Variants in INSR observed in about 807,000 individuals in gnomAD.
INSR encodes IR.
Under a neutral mutation model 142.6 loss-of-function variants are expected in INSR, and 67 were observed. The ratio of observed to expected loss-of-function variants is 0.47; its 90% CI spans 0.39 to 0.58. The LOEUF is 0.58. INSR is among the 20% of genes least tolerant of loss of function. The probability of loss-of-function intolerance (pLI) is 0.00; values close to 1 mark genes in which losing one functional copy is unlikely to be tolerated. For synonymous variants in INSR, 756 were observed against 743.1 expected, an observed-to-expected ratio of 1.02 and a Z score of -0.28; for missense variants, 1,248 against 1,833.2, an observed-to-expected ratio of 0.68 and a Z score of 5.83.
At position 7,125,650 on chromosome 19, in the gene INSR, G is replaced by A; in HGVS notation, c.3014-123C>T. ...TCATGAAATGAGTTCTGTGATCCAG[G>A]ACCCATGCCGGGCACTGGGCATATG... On this transcript the variant is annotated intron_variant, in intron 16 of 21. Transcript: ENST00000302850. The surrounding 1 kb of genome is among the most constrained non-coding windows in gnomAD (Gnocchi z 4.9). 1 of 1,334,844 alleles carries A rather than the reference G, an allele frequency of 7.5e-7. No individual in the cohort carries two copies. The highest frequency in any genetic ancestry group is 1.1e-6 in the Non-Finnish European group (1 of 951,268). 82.7% of individuals were successfully genotyped at this position (1,334,844 alleles called of 1,614,324 possible). A position where few individuals can be genotyped will look rare whatever the true frequency, so the allele number is the denominator to read the frequency against.
intron 11 of INSR, among the ~76,000 whole-genome samples, chr19:7,146,236 CTTTTTTTTTT>C (rs35961932): frequency 3.6e-5 from 4 of 110,756 alleles, no homozygotes; most frequent in Non-Finnish European, 5.6e-5. Context: ...TTGTCAAGTT[CTTTTTTTTTT>C]TTTTTTTTTT....
In INSR at chr19:7,293,192, AG is replaced by A. The variant is rs368758584; in HGVS notation, c.100+599del. On this transcript the variant is annotated intron_variant, in intron 1 of 21. Coordinates refer to ENST00000302850, the MANE Select transcript of INSR (RefSeq NM_000208.4). ...TCTGCTACAATTGCTGCTGTTGCTAAGGCTTTAGAATTTGCCTCCGGACATC... is the reference window on the plus strand; with the variant it reads ...TCTGCTACAATTGCTGCTGTTGCTAAGCTTTAGAATTTGCCTCCGGACATC... 3.6e-3 allele frequency among the ~76,000 whole-genome samples: 552 copies of A among 152,296 alleles called. 5 individuals carry two copies. Among genetic ancestry groups the A allele is most frequent in the African/African-American group, 0.012 (502 of 41,568 alleles).
At chr19:7,249,470 G>A (rs944782330) in intron 2 of INSR, among the ~76,000 whole-genome samples, 7 of 152,084 alleles carry the variant, frequency 4.6e-5, no homozygotes, top group African/African-American at 1.7e-4. Context: ...GAGGCCCGTC[G>A]GCACCGTTTT....
intron 3 of INSR, among the ~76,000 whole-genome samples, chr19:7,178,130 G>A (rs1255809332): frequency 6.7e-6 from 1 of 150,328 alleles, no homozygotes; most frequent in Non-Finnish European, 1.5e-5. Context: ...GGATCATAAA[G>A]TATGTATCTG....
chr19:7,250,987 G>C (rs77488445), intron 2 of INSR, among the ~76,000 whole-genome samples: 1 of 152,030 alleles, frequency 6.6e-6, no homozygotes, highest in Non-Finnish European at 1.5e-5. Context: ...AAGGGATGGA[G>C]GGAGAACCTG....
rs1973309899 is a variant in INSR, at chr19:7,150,490, G to C, written c.2267+7C>G. 1.2e-6 allele frequency: 2 copies of C among 1,614,052 alleles called. No individual in the cohort carries two copies. Among genetic ancestry groups the C allele is most frequent in the Admixed American group, 3.3e-5 (2 of 60,020 alleles). ...CAGGCACCAGGGGTCGCACAGGTGAGTCATACCTAGGGTCCTCGGCACCAG... is the reference window on the plus strand; with the variant it reads ...CAGGCACCAGGGGTCGCACAGGTGACTCATACCTAGGGTCCTCGGCACCAG... On this transcript the variant is annotated splice_region_variant and intron_variant, in intron 11 of 21. Coordinates refer to ENST00000302850, the MANE Select transcript of INSR (RefSeq NM_000208.4). The surrounding 1 kb of genome is among the most constrained non-coding windows in gnomAD (Gnocchi z 4.2).
intron 2 of INSR, among the ~76,000 whole-genome samples, chr19:7,198,173 TC>T (rs1388894894): frequency 6.6e-6 from 1 of 151,674 alleles, no homozygotes; most frequent in Non-Finnish European, 1.5e-5. Flanking sequence ...CGCACTCCGC[TC>T]CGGGGAATCC....
chr19:7,154,763 A>C (rs1377637918), intron 9 of INSR, among the ~76,000 whole-genome samples: 1 of 151,860 alleles, frequency 6.6e-6, no homozygotes, highest in Non-Finnish European at 1.5e-5. Flanking sequence ...GTCTCTACTC[A>C]AAATACAAAA....
At chr19:7,172,899 AC>A (rs1974052215) in intron 4 of INSR, among the ~76,000 whole-genome samples, 1 of 150,322 alleles carries the variant, frequency 6.7e-6, no homozygotes, top group African/African-American at 2.5e-5. Context: ...AAAAATAGCA[AC>A]CCCTGTTAGT....
chr19:7,127,966 A>T (rs1394378927), intron 15 of INSR, among the ~76,000 whole-genome samples: 2 of 151,538 alleles, frequency 1.3e-5, no homozygotes, highest in Non-Finnish European at 2.9e-5. Context: ...CTGGTCTCGA[A>T]CTCCTGACCT....
intron 13 of INSR, among the ~76,000 whole-genome samples, chr19:7,133,758 A>G (rs1371033649): frequency 2.0e-5 from 3 of 152,212 alleles, no homozygotes; most frequent in African/African-American, 7.2e-5. Flanking sequence ...AGCTACTTGG[A>G]GGGTGAGACA....
chr19:7,202,261 A>G (rs1381969141), intron 2 of INSR, among the ~76,000 whole-genome samples: 14 of 152,090 alleles, frequency 9.2e-5, no homozygotes, highest in Admixed American at 5.9e-4. Context: ...TGTCAGTTCT[A>G]TTTGTTTTCT....
At chr19:7,198,953 C>T (rs1258335455) in intron 2 of INSR, among the ~76,000 whole-genome samples, 1 of 151,606 alleles carries the variant, frequency 6.6e-6, no homozygotes, top group Non-Finnish European at 1.5e-5. Flanking sequence ...GTGTGATCAT[C>T]GCCCACTGCA....
intron 17 of INSR, among the ~76,000 whole-genome samples, chr19:7,124,151 C>T (rs1972563572): frequency 6.6e-6 from 1 of 151,938 alleles, no homozygotes; most frequent in Non-Finnish European, 1.5e-5. Context: ...ATCACGAGGT[C>T]AGGAGTTCAA....
At chr19:7,194,508 CTTTTTTTTTTTT>C (rs35025189) in intron 2 of INSR, among the ~76,000 whole-genome samples, 10 of 73,576 alleles carry the variant, frequency 1.4e-4, no homozygotes, top group Non-Finnish European at 2.1e-4. Context: ...AATAGCTTTG[CTTTTTTTTTTTT>C]TTTTTTTTTT....
intron 2 of INSR, among the ~76,000 whole-genome samples, chr19:7,242,153 CAA>C (rs58299832): frequency 4.5e-5 from 6 of 134,442 alleles, no homozygotes; most frequent in Non-Finnish European, 4.9e-5. Flanking sequence ...ACTCTTGTCT[CAA>C]AAAAAAAAAA....
intron 2 of INSR, among the ~76,000 whole-genome samples, chr19:7,229,598 A>G (rs761792962): frequency 6.6e-6 from 1 of 151,800 alleles, no homozygotes; most frequent in Non-Finnish European, 1.5e-5. Flanking sequence ...CATACAATCA[A>G]CCCCATAAAG....
chr19:7,235,701 C>G (rs1391206408), intron 2 of INSR, among the ~76,000 whole-genome samples: 2 of 151,944 alleles, frequency 1.3e-5, no homozygotes, highest in Non-Finnish European at 2.9e-5. Context: ...ATAAAATTAG[C>G]TGGGTGTAGT....
At position 7,231,060 on chromosome 19, in the gene INSR, A is replaced by AGAGCCAG. The variant is rs563517780; in HGVS notation, c.652+36278_652+36284dup. Among the ~76,000 whole-genome samples, 40 of 152,332 alleles carry AGAGCCAG rather than the reference A, an allele frequency of 2.6e-4. No individual in the cohort carries two copies. In the South Asian group the frequency reaches 7.5e-3, roughly 28 times the overall value. On this transcript the variant is annotated intron_variant, in intron 2 of 21. Coordinates refer to ENST00000302850, the MANE Select transcript of INSR (RefSeq NM_000208.4). ...CACAGGGAAGCCAACTCCCTTGGCC[A>AGAGCCAG]GAGCCAGGAGCCAGGAGCCACACCA...
Sources: gnomAD v4.1 joint callset for allele counts (sites outside exome capture counted in the v4.1 genomes callset) on GRCh38, gnomAD v4.1.1 for gene constraint, Gnocchi (gnomAD v3.1) non-coding constraint, MANE v1.5 for transcripts, NCBI Gene and HGNC (gene_info 2026-07-23, HGNC 2026-07-21) for gene names.